Variants in SLC2A11 observed in about 807,000 individuals in gnomAD.
SLC2A11 encodes solute carrier family 2, facilitated glucose transporter member 11.
A neutral mutation model predicts 52.1 loss-of-function variants in SLC2A11; 43 were observed. The ratio of observed to expected loss-of-function variants is 0.82; its 90% confidence interval spans 0.65 to 1.06. The LOEUF is 1.06. Among genes scored for constraint, SLC2A11 ranks in the 50% least tolerant of loss-of-function variants. The probability of loss-of-function intolerance (pLI) is 0.00; values close to 1 mark genes in which losing one functional copy is unlikely to be tolerated. For missense variants in SLC2A11, 582 were observed against 654.2 expected, an observed-to-expected ratio of 0.89 and a Z score of 1.20; for synonymous variants, 261 against 277.6, an observed-to-expected ratio of 0.94 and a Z score of 0.59.
At chr22:23,879,996 G>A (rs1198270962) in intron 6 of SLC2A11, among the ~76,000 whole-genome samples, 3 of 152,116 alleles carry the variant, frequency 2.0e-5, no homozygotes, top group Non-Finnish European at 4.4e-5. Context: ...GGCAGATCAC[G>A]AGGTCAAGAC....
chr22:23,859,182 C>T (rs1349894950), intron 1 of SLC2A11, among the ~76,000 whole-genome samples: 2 of 152,202 alleles, frequency 1.3e-5, no homozygotes, highest in Non-Finnish European at 2.9e-5. Context: ...TCCATGCGGC[C>T]CCCGTGGAGC....
At chr22:23,883,250 G>C (rs2032891064) in intron 8 of SLC2A11, 1 of 363,452 alleles carries the variant, frequency 2.8e-6, no homozygotes, top group African/African-American at 2.1e-5. Context: ...CAATAGTGCT[G>C]AGGTGGGATC....
At position 23,877,185 on chromosome 22, in the gene SLC2A11, C is replaced by T. The variant is rs1568993362; in HGVS notation, c.545+14C>T. On this transcript the variant is annotated intron_variant, in intron 5 of 11. Coordinates refer to ENST00000316185, the MANE Select transcript of SLC2A11 (RefSeq NM_001024939.4). Reference sequence around the variant, plus strand: ...GGTCGGACTCAGGTAAGCACCCCTCCCCCACATGCATTGAGTATTTCGGAG... The same window carrying T: ...GGTCGGACTCAGGTAAGCACCCCTCTCCCACATGCATTGAGTATTTCGGAG... The T allele has an allele frequency of 6.2e-7, 1 of 1,602,452 alleles. No homozygotes were observed. Among genetic ancestry groups the T allele is most frequent in the Non-Finnish European group, 8.5e-7 (1 of 1,173,804 alleles).
chr22:23,876,867 C>G (rs2032627844), intron 4 of SLC2A11, among the ~76,000 whole-genome samples, 175 bp from the exon 5 acceptor site: 1 of 152,154 alleles, frequency 6.6e-6, no homozygotes, highest in South Asian at 2.1e-4. Flanking sequence ...ATCCTGTTGG[C>G]CCTTCATCAG....
chr22:23,857,168 C>CTGGCGGCCGGCAG, upstream of SLC2A11: 1 of 972,000 alleles, frequency 1.0e-6, no homozygotes, highest in South Asian at 1.6e-5. Context: ...CTCCGAGGTT[C>CTGGCGGCCGGCAG]TGGCGGCCGG....
At chr22:23,857,228 C>A, upstream of SLC2A11, 1 of 737,184 alleles carries the variant, frequency 1.4e-6, no homozygotes, top group Admixed American at 2.5e-5. Context: ...TGAGGTCAGA[C>A]CAGCGAGAGA....
intron 1 of SLC2A11, 59 bp downstream of exon 1, chr22:23,858,088 G>A (rs1321050326): frequency 2.6e-6 from 4 of 1,550,692 alleles, no homozygotes. Flanking sequence ...GCGGACCTGA[G>A]TGAACTGCGC....
At chr22:23,882,698 A>G in intron 7 of SLC2A11, 52 bp downstream of exon 7, 1 of 1,605,772 alleles carries the variant, frequency 6.2e-7, no homozygotes, top group Non-Finnish European at 8.5e-7. Flanking sequence ...TTGGTGTTGC[A>G]GGCCGCTGGG....
Position 23,857,904 on chromosome 22 carries a change from C to A in SLC2A11, c.-96C>A, listed in dbSNP as rs941684301. 1.3e-6 allele frequency: 2 copies of A among 1,575,146 alleles called. No individual in the cohort carries two copies. Among genetic ancestry groups the A allele is most frequent in the African/African-American group, 1.4e-5 (1 of 73,722 alleles). The stretch of plus-strand genomic sequence containing the variant: ...TTCACCACTGGGCGCTGCGCGCTGC[C>A]CTTCCCTCCGCGCACAGGCTGCCGG... On this transcript the variant is annotated 5_prime_UTR_variant, in exon 1 of 12. Transcript: ENST00000316185.
At chr22:23,858,135 A>G (rs1227770666) in intron 1 of SLC2A11, 106 bp downstream of exon 1, 6 of 1,436,882 alleles carry the variant, frequency 4.2e-6, no homozygotes, top group Admixed American at 2.0e-5. Context: ...TAAGTCGTCA[A>G]ATGTTCAAAA....
At chr22:23,863,317 CCT>C (rs2032139394) in intron 2 of SLC2A11, among the ~76,000 whole-genome samples, 1 of 152,190 alleles carries the variant, frequency 6.6e-6, no homozygotes, top group African/African-American at 2.4e-5. Context: ...GTGTCCATCT[CCT>C]CTCTCCTGCT....
intron 6 of SLC2A11, among the ~76,000 whole-genome samples, chr22:23,878,219 T>G (rs1418094257): frequency 6.6e-6 from 1 of 152,210 alleles, no homozygotes; most frequent in African/African-American, 2.4e-5. Context: ...TTGGCTACAG[T>G]AAGAATGCCT....
intron 3 of SLC2A11, 71 bp from the exon 4 acceptor site, chr22:23,875,046 A>C: frequency 7.1e-7 from 1 of 1,411,256 alleles, no homozygotes; most frequent in Admixed American, 2.6e-5. Flanking sequence ...AGTTGCAAAG[A>C]GTGGTCCCCA....
rs1013104179 is a variant in SLC2A11 at position 23,885,852 on chromosome 22, A to G, written c.*1003A>G. On this transcript the variant is annotated 3_prime_UTR_variant, in exon 12 of 12. Transcript: ENST00000316185. ...TTGAGGTATAATTTATACATAACCA[A>G]CTGCATCCATTTTAAGTATATATTT... 6.6e-6 allele frequency: 1 copy of G among 152,174 alleles called. No individual in the cohort carries two copies. The highest frequency in any genetic ancestry group is 2.4e-5 in the African/African-American group (1 of 41,404). The allele number at this position is 152,174 out of a possible 1,614,324, so 9.4% of individuals were successfully genotyped here. A position where few individuals can be genotyped will look rare whatever the true frequency, so the allele number is the denominator to read the frequency against.
At chr22:23,861,961 T>C in intron 1 of SLC2A11, 143 bp from the exon 2 acceptor site, 2 of 732,040 alleles carry the variant, frequency 2.7e-6, no homozygotes, top group Admixed American at 4.1e-5. Flanking sequence ...GTAACTCCTC[T>C]CTGTGCCTCA....
intron 3 of SLC2A11, among the ~76,000 whole-genome samples, chr22:23,873,494 G>A (rs1011784967): frequency 3.9e-5 from 6 of 152,064 alleles, no homozygotes; most frequent in African/African-American, 1.5e-4. Flanking sequence ...ATTTTTAGTA[G>A]AGATGGGGTT....
exon 1 of SLC2A11, chr22:23,857,867 GCTAGCGCCTCTTTCACCACT>G: frequency 7.8e-6 from 12 of 1,534,454 alleles, no homozygotes; most frequent in Non-Finnish European, 1.1e-5. Context: ...CTGCGCGTGC[GCTAGCGCCTCTTTCACCACT>G]GGGCGCTGCG....
In SLC2A11 at chr22:23,882,555, C is replaced by T. The variant is rs376897328; in HGVS notation, c.791C>T (p.Pro264Leu). The T allele has an allele frequency of 1.6e-4, 259 of 1,611,590 alleles. 1 individual carries two copies. The highest frequency in any genetic ancestry group is 2.1e-4 in the Non-Finnish European group (246 of 1,179,244). ...TGCCAGGGCTGCCGTGCCCGGCGCC[C>T]ATGGGAGCTGTTCCAGCATCGGGCC... ...AACQGCRARRPWELFQHRALR... is the reference protein window; with the variant it reads ...AACQGCRARRLWELFQHRALR... The change falls in exon 7 of 12, where the codon CCA (proline) becomes CTA (leucine). Residue 264 changes from proline (P) to leucine (L), a missense_variant. Physicochemically the swap from Pro to Leu is moderately conservative, Grantham distance 98 (BLOSUM62 -3). Transcript: ENST00000316185.
chr22:23,865,039 G>A (rs113074412), intron 2 of SLC2A11, among the ~76,000 whole-genome samples: 9,557 of 148,490 alleles, frequency 0.064, 353 homozygotes, highest in Middle Eastern at 0.14. Context: ...CCCAGGAAGC[G>A]GAAGTTGCAG....
Sources: allele counts gnomAD v4.1 joint callset (sites outside exome capture counted in the v4.1 genomes callset), GRCh38; gene constraint gnomAD v4.1.1; transcripts MANE v1.5; gene names NCBI Gene and HGNC (gene_info 2026-07-23, HGNC 2026-07-21).